Variants in PPP4R1 observed in about 807,000 individuals in gnomAD.
PPP4R1 encodes the protein protein phosphatase 4 regulatory subunit 1, also known as serine/threonine-protein phosphatase 4 regulatory subunit 1.
A neutral mutation model predicts 111.2 loss-of-function variants in PPP4R1; 42 were observed. That is an observed-to-expected ratio of 0.38 (90% confidence interval 0.29 to 0.49). PPP4R1 has a LOEUF of 0.49. Ranked by LOEUF, PPP4R1 falls within the 20% of genes least tolerant of loss-of-function variation. PPP4R1 has a pLI of 0.97. For missense variants in PPP4R1, 1,012 were observed against 1,161.6 expected, an observed-to-expected ratio of 0.87 and a Z score of 1.87; for synonymous variants, 409 against 405.5, an observed-to-expected ratio of 1.01 and a Z score of -0.10.
At chr18:9,582,009 T>C (rs1460588679) in intron 9 of PPP4R1, among the ~76,000 whole-genome samples, 1 of 152,150 alleles carries the variant, frequency 6.6e-6, no homozygotes, top group Non-Finnish European at 1.5e-5. Flanking sequence ...ACAGAATTTG[T>C]TGTTCGCAGA....
In PPP4R1 at chr18:9,614,469, G is replaced by C. The variant is rs998607588; in HGVS notation, c.7+9C>G. On this transcript the variant is annotated intron_variant, in intron 1 of 19. Transcript: ENST00000400556. The surrounding 1 kb of genome is among the most constrained non-coding windows in gnomAD (Gnocchi z 4.1). ...GCCGCCGCCGCCCGGAGAACAGGGGGCCACGTACCCGCCATCTTGTGGTCG... is the reference window on the plus strand; with the variant it reads ...GCCGCCGCCGCCCGGAGAACAGGGGCCCACGTACCCGCCATCTTGTGGTCG... 5.7e-5 allele frequency: 59 copies of C among 1,033,590 alleles called. No individual in the cohort carries two copies. Among genetic ancestry groups the C allele is most frequent in the Non-Finnish European group, 6.6e-5 (57 of 861,956 alleles). 64.0% of individuals were successfully genotyped at this position (1,033,590 alleles called of 1,614,324 possible). A position where few individuals can be genotyped will look rare whatever the true frequency, so the allele number is the denominator to read the frequency against.
chr18:9,573,165 G>A (rs193007240), intron 10 of PPP4R1, among the ~76,000 whole-genome samples: 206 of 152,270 alleles, frequency 1.4e-3, no homozygotes, highest in African/African-American at 4.8e-3. Flanking sequence ...TAAAAAATAT[G>A]TATTTTTCCC....
chr18:9,610,924 AT>A (rs1234497173), intron 2 of PPP4R1, among the ~76,000 whole-genome samples: 2 of 151,360 alleles, frequency 1.3e-5, no homozygotes, highest in African/African-American at 2.4e-5. Context: ...CCTCATTAGG[AT>A]TTTTTTTCCT....
intron 15 of PPP4R1, among the ~76,000 whole-genome samples, chr18:9,556,545 G>A (rs1402639155): frequency 6.6e-6 from 1 of 152,110 alleles, no homozygotes; most frequent in African/African-American, 2.4e-5. Flanking sequence ...TCAAGCCTTA[G>A]AATTACCAGA....
At chr18:9,593,430 A>G (rs926315071) in intron 4 of PPP4R1, among the ~76,000 whole-genome samples, 2 of 124,092 alleles carry the variant, frequency 1.6e-5, no homozygotes, top group Non-Finnish European at 3.6e-5. Flanking sequence ...ATAGTTGCCT[A>G]AAATAATTTA....
chr18:9,616,812 C>G (rs138526686), upstream of PPP4R1, among the ~76,000 whole-genome samples: 354 of 152,216 alleles, frequency 2.3e-3, 1 homozygote, highest in African/African-American at 7.9e-3. Context: ...AGTTTTATCT[C>G]AGTATTCTGT....
intron 2 of PPP4R1, among the ~76,000 whole-genome samples, chr18:9,597,082 A>G (rs1006467233): frequency 6.6e-6 from 1 of 152,188 alleles, no homozygotes. Context: ...GTACTCTTCT[A>G]TAACTGCATT....
chr18:9,573,675 G>A lies in PPP4R1; in HGVS notation c.1047-2992C>T, dbSNP rs201727771. Among the ~76,000 whole-genome samples, 10 of 152,210 alleles carry A rather than the reference G, an allele frequency of 6.6e-5. 1 individual carries two copies. The East Asian group carries it at 1.9e-3, about 29-fold the overall frequency. On this transcript the variant is annotated intron_variant, in intron 10 of 19. Coordinates refer to ENST00000400556, the MANE Select transcript of PPP4R1 (RefSeq NM_001042388.3). ...TAAAGTGGTATGATCATAGCTCACTGCAGCCTCAAACTCCTGGGCTGAAGC... is the reference window on the plus strand; with the variant it reads ...TAAAGTGGTATGATCATAGCTCACTACAGCCTCAAACTCCTGGGCTGAAGC...
At chr18:9,554,476 A>G (rs1317970974) in intron 15 of PPP4R1, among the ~76,000 whole-genome samples, 1 of 152,086 alleles carries the variant, frequency 6.6e-6, no homozygotes, top group Non-Finnish European at 1.5e-5. Context: ...ACTTTTTACC[A>G]GGAGTAAAAA....
At chr18:9,576,792 A>G (rs2066942825) in intron 10 of PPP4R1, among the ~76,000 whole-genome samples, 1 of 152,210 alleles carries the variant, frequency 6.6e-6, no homozygotes, top group African/African-American at 2.4e-5. Flanking sequence ...TAAAAGTCAT[A>G]ATCTACCATT....
At chr18:9,597,968 T>C (rs2067316643) in intron 2 of PPP4R1, among the ~76,000 whole-genome samples, 1 of 152,162 alleles carries the variant, frequency 6.6e-6, no homozygotes, top group African/African-American at 2.4e-5. Context: ...AAAAAGAGCA[T>C]GTTAAGAACA....
At chr18:9,553,849 A>G (rs2066526951) in intron 15 of PPP4R1, among the ~76,000 whole-genome samples, 1 of 152,270 alleles carries the variant, frequency 6.6e-6, no homozygotes, top group Non-Finnish European at 1.5e-5. Context: ...GAGAAAAAAA[A>G]TAAATGTATC....
Position 9,550,283 on chromosome 18 carries a change from T to C in PPP4R1, c.2407A>G (p.Lys803Glu). Residue 803 changes from lysine (K) to glutamate (E), a missense_variant, in exon 17 of 20, where the codon AAG becomes GAG. Lys to Glu is a moderately conservative substitution (Grantham distance 56). This residue lies in a region of PPP4R1 where 305 missense variants were observed against 419.5 expected (regional missense o/e 0.73). Transcript: ENST00000400556. ...TTTAAAAGTTCAATACATACCAACTTGTAGGAAATCCAACGAACAGAAGAA... is the reference window on the plus strand; with the variant it reads ...TTTAAAAGTTCAATACATACCAACTCGTAGGAAATCCAACGAACAGAAGAA... ...KVSSVRWISY[K>E]LVSEMVKKLH... 6.2e-7 allele frequency: 1 copy of C among 1,614,062 alleles called. No homozygotes were observed.
intron 2 of PPP4R1, chr18:9,599,643 A>G (rs2067347618): frequency 6.6e-6 from 1 of 152,232 alleles, no homozygotes; most frequent in South Asian, 2.1e-4. Flanking sequence ...CTTATTAATT[A>G]TAAATCAGAG....
intron 2 of PPP4R1, among the ~76,000 whole-genome samples, chr18:9,607,449 G>T (rs1041035526): frequency 6.6e-6 from 1 of 151,830 alleles, no homozygotes; most frequent in Non-Finnish European, 1.5e-5. Context: ...CTTTGTATAT[G>T]TCTTAAGTAT....
rs1407680455 is a variant in PPP4R1 at position 9,553,531 on chromosome 18, G to C, written c.2191-109C>G. ...GCAATATGGTTAATTCTTCTGAAGAGGAAATGTAGTAGCTGTATTTAAGTG... is the reference window on the plus strand; with the variant it reads ...GCAATATGGTTAATTCTTCTGAAGACGAAATGTAGTAGCTGTATTTAAGTG... On this transcript the variant is annotated intron_variant, in intron 15 of 19. Transcript: ENST00000400556. The C allele has an allele frequency of 1.6e-5, 11 of 690,896 alleles. No individual in the cohort carries two copies. In the East Asian group the frequency reaches 1.6e-4, roughly 10 times the overall value. 42.8% of individuals were successfully genotyped at this position (690,896 alleles called of 1,614,324 possible).
chr18:9,569,191 GA>G (rs1175501445), intron 11 of PPP4R1, among the ~76,000 whole-genome samples: 85 of 53,308 alleles, frequency 1.6e-3, no homozygotes, highest in Middle Eastern at 0.013. Flanking sequence ...CTCCGTCTCA[GA>G]AAAAAAAAAA....
intron 4 of PPP4R1, 149 bp downstream of exon 4, chr18:9,593,619 T>G: frequency 1.5e-6 from 1 of 674,648 alleles, no homozygotes; most frequent in Non-Finnish European, 2.4e-6. Context: ...AAATTTTACT[T>G]TTGTTGTCAC....
At chr18:9,589,474 G>A (rs2067175088) in intron 4 of PPP4R1, among the ~76,000 whole-genome samples, 1 of 152,174 alleles carries the variant, frequency 6.6e-6, no homozygotes, top group Non-Finnish European at 1.5e-5. Context: ...AGGAAAATCA[G>A]CTAGTTAGCA....
Sources: gnomAD v4.1 joint callset for allele counts (sites outside exome capture counted in the v4.1 genomes callset) on GRCh38, gnomAD v4.1.1 for gene constraint, gnomAD v4.1.1 regional missense constraint, Gnocchi (gnomAD v3.1) non-coding constraint, MANE v1.5 for transcripts, NCBI Gene and HGNC (gene_info 2026-07-23, HGNC 2026-07-21) for gene names.